The following ATG12 variants were observed in gnomAD, a reference collection of about 807,000 sequenced individuals.
ATG12 encodes ubiquitin-like protein ATG12.
ATG12 carries 19 observed loss-of-function variants against 17.6 expected under a neutral mutation model. The observed-to-expected ratio is 1.08, with a 90% CI of 0.75 to 1.58. The LOEUF is 1.58. ATG12 is among the 40% of genes most tolerant of loss of function. The pLI, the probability that ATG12 is intolerant of heterozygous loss-of-function variation, is 0.00. For missense variants in ATG12, 214 were observed against 162.0 expected, an observed-to-expected ratio of 1.32 and a Z score of -1.74; for synonymous variants, 75 against 62.4, an observed-to-expected ratio of 1.20 and a Z score of -0.95.
intron 1 of ATG12, chr5:115,841,170 G>A (rs1334208530): frequency 1.8e-6 from 1 of 563,160 alleles, no homozygotes; most frequent in Non-Finnish European, 3.0e-6. Flanking sequence ...AAGTGTGGCA[G>A]CCAAGTATCA....
chr5:115,834,682 A>T (rs1761018768), intron 2 of ATG12, among the ~76,000 whole-genome samples: 1 of 152,178 alleles, frequency 6.6e-6, no homozygotes, highest in Admixed American at 6.5e-5. Flanking sequence ...GCCCCGATTA[A>T]GTCAGTTATG....
In ATG12 at chr5:115,831,553, T is replaced by C. The variant is rs1760870176; in HGVS notation, c.*251A>G. On this transcript the variant is annotated 3_prime_UTR_variant, in exon 4 of 4. Transcript: ENST00000509910. ...AACCTTGGAGGCAGATCTGCAGCAA[T>C]AATAGTAACAAGTAGGAGCAATGGG... is the stretch of plus-strand genomic sequence containing the variant. 3.6e-6 allele frequency: 2 copies of C among 548,212 alleles called. No individual in the cohort carries two copies. The highest frequency in any genetic ancestry group is 6.4e-6 in the Non-Finnish European group (2 of 310,612). The allele number at this position is 548,212 out of a possible 1,614,324, so 34.0% of individuals were successfully genotyped here.
At chr5:115,837,482 T>C (rs1445976020) in intron 2 of ATG12, 146 bp downstream of exon 2, 2 of 835,930 alleles carry the variant, frequency 2.4e-6, no homozygotes, top group African/African-American at 3.6e-5. Flanking sequence ...AAAAAAAAAA[T>C]GAATAAATAA....
At chr5:115,834,664 T>C (rs1761017774) in intron 2 of ATG12, among the ~76,000 whole-genome samples, 1 of 152,242 alleles carries the variant, frequency 6.6e-6, no homozygotes, top group African/African-American at 2.4e-5. Flanking sequence ...TTTCTGCTAA[T>C]AGTCTGTGCC....
chr5:115,834,847 G>A lies in ATG12; in HGVS notation c.301-2183C>T, dbSNP rs186304942. 4.9e-3 allele frequency: 750 copies of A among 152,218 alleles called. 6 individuals carry two copies. Among genetic ancestry groups the A allele is most frequent in the African/African-American group, 0.018 (729 of 41,536 alleles). 9.4% of individuals were successfully genotyped at this position (152,218 alleles called of 1,614,324 possible). On this transcript the variant is annotated intron_variant, in intron 2 of 3. Coordinates refer to ENST00000509910, the MANE Select transcript of ATG12 (RefSeq NM_004707.4). ...TAATTTTAACAGAATGCATCCTGAT[G>A]TTCATTATTCTGGGTTGATACTCTC...
chr5:115,835,401 T>G (rs1761052147), intron 2 of ATG12, among the ~76,000 whole-genome samples: 1 of 152,212 alleles, frequency 6.6e-6, no homozygotes, highest in Non-Finnish European at 1.5e-5. Flanking sequence ...TTTTTCTAAC[T>G]TCACAGAGCT....
chr5:115,838,003 C>T, intron 1 of ATG12: 1 of 360,192 alleles, frequency 2.8e-6, no homozygotes, highest in East Asian at 5.1e-5. Context: ...CAGGCAGTTC[C>T]AAAGAGAGGA....
chr5:115,832,567 CTTTCTTTTTTTTTT>C, intron 3 of ATG12, 21 bp downstream of exon 3: 109 of 1,064,582 alleles, frequency 1.0e-4, no homozygotes, highest in East Asian at 7.4e-4. Context: ...GCAGTAATTT[CTTTCTTTTTTTTTT>C]TTTTTTTTTT....
At chr5:115,833,174 T>C (rs1760958484) in intron 2 of ATG12, 1 of 152,246 alleles carries the variant, frequency 6.6e-6, no homozygotes, top group African/African-American at 2.4e-5. Context: ...TAAAACCTTA[T>C]AACCTTGCTC....
In ATG12 at chr5:115,828,628, A is replaced by G. The variant is rs181058146; in HGVS notation, c.*3176T>C. ...TTAAAAACACTGTCATATGTTGCAA[A>G]TATTTTCCATTACCTTCTGCTGTAC... On this transcript the variant is annotated 3_prime_UTR_variant, in exon 4 of 4. Coordinates refer to ENST00000509910, the MANE Select transcript of ATG12 (RefSeq NM_004707.4). The G allele has an allele frequency of 1.3e-5, 2 of 152,308 alleles. No homozygotes were observed. Among genetic ancestry groups the G allele is most frequent in the Admixed American group, 6.5e-5 (1 of 15,304 alleles). 9.4% of individuals were successfully genotyped at this position (152,308 alleles called of 1,614,324 possible).
chr5:115,840,529 C>G (rs755267725), intron 1 of ATG12: 1 of 1,006,504 alleles, frequency 9.9e-7, no homozygotes, highest in Non-Finnish European at 1.3e-6. Flanking sequence ...AACTCTTGAC[C>G]TCAGGTGATC....
rs1760849087 is a variant in ATG12 at position 115,831,020 on chromosome 5, T to C, written c.*784A>G. On this transcript the variant is annotated 3_prime_UTR_variant, in exon 4 of 4. Coordinates refer to ENST00000509910, the MANE Select transcript of ATG12 (RefSeq NM_004707.4). ...TATGAAACACTCAAAAAGATGCTAC[T>C]GGGTTTACTCATCAAGTGCTTTTGA... is the stretch of plus-strand genomic sequence containing the variant. The C allele has an allele frequency of 6.6e-6, 1 of 152,234 alleles. No homozygotes were observed. The highest frequency in any genetic ancestry group is 2.4e-5 in the African/African-American group (1 of 41,462). 9.4% of individuals were successfully genotyped at this position (152,234 alleles called of 1,614,324 possible). A position where few individuals can be genotyped will look rare whatever the true frequency, so the allele number is the denominator to read the frequency against.
At position 115,832,571 on chromosome 5, in the gene ATG12, C is replaced by CTTTTT. The variant is rs35310189; in HGVS notation, c.363+26_363+30dup. 3.8e-4 allele frequency: 308 copies of CTTTTT among 802,384 alleles called. 4 individuals carry two copies. The highest frequency in any genetic ancestry group is 3.6e-3 in the African/African-American group (112 of 30,814). The allele number at this position is 802,384 out of a possible 1,614,324, so 49.7% of individuals were successfully genotyped here. On this transcript the variant is annotated intron_variant, in intron 3 of 3. Transcript: ENST00000509910. ...AAGAAAAAAAAGCAGTAATTTCTTT[C>CTTTTT]TTTTTTTTTTTTTTTTTTTTTTTTT... is the stretch of plus-strand genomic sequence containing the variant.
At chr5:115,837,192 A>C (rs1761139303) in intron 2 of ATG12, among the ~76,000 whole-genome samples, 1 of 152,218 alleles carries the variant, frequency 6.6e-6, no homozygotes. Flanking sequence ...AATCTAAAAC[A>C]TTTCATTTCA....
chr5:115,831,811 C>T lies in ATG12; in HGVS notation c.416G>A (p.Trp139Ter). The T allele has an allele frequency of 6.2e-7, 1 of 1,612,338 alleles. No homozygotes were observed. The change falls in exon 4 of 4, where the codon TGG becomes TAG. Residue 139 changes from tryptophan (W) to a stop codon, truncating the protein, a stop_gained. Transcript: ENST00000509910. LOFTEE classifies it high-confidence loss of function. ...LVLHYCKSQA[W>*]G ...GTTGATTTTCTTTGTGGTTCATCCCCACGCCTGAGACTTGCAGTAATGTAA... is the reference window on the plus strand; with the variant it reads ...GTTGATTTTCTTTGTGGTTCATCCCTACGCCTGAGACTTGCAGTAATGTAA...
At chr5:115,841,039 A>G (rs529451775) in intron 1 of ATG12, 1 of 489,260 alleles carries the variant, frequency 2.0e-6, no homozygotes, top group Admixed American at 3.1e-5. Flanking sequence ...TACTCAAATA[A>G]TTAGCTCCTG....
intron 2 of ATG12, among the ~76,000 whole-genome samples, chr5:115,836,944 G>C (rs903040044): frequency 6.6e-6 from 1 of 152,138 alleles, no homozygotes; most frequent in African/African-American, 2.4e-5. Flanking sequence ...GTATTTCCTA[G>C]TTCTTTCACA....
intron 1 of ATG12, chr5:115,838,022 T>C (rs1305351727): frequency 3.1e-6 from 1 of 325,510 alleles, no homozygotes. Context: ...GAAATACAAA[T>C]GATCAATACA....
Position 115,831,535 on chromosome 5 carries a change from G to T in ATG12, c.*269C>A, listed in dbSNP as rs978415960. The T allele has an allele frequency of 6.9e-5, 36 of 521,798 alleles. No individual in the cohort carries two copies. The highest frequency in any genetic ancestry group is 6.8e-4 in the African/African-American group (35 of 51,300). 32.3% of individuals were successfully genotyped at this position (521,798 alleles called of 1,614,324 possible). A position where few individuals can be genotyped will look rare whatever the true frequency, so the allele number is the denominator to read the frequency against. Reference sequence around the variant, plus strand: ...AGTCTTAGTCTCCTTTTCAACCTTGGAGGCAGATCTGCAGCAATAATAGTA... The same window carrying T: ...AGTCTTAGTCTCCTTTTCAACCTTGTAGGCAGATCTGCAGCAATAATAGTA... On this transcript the variant is annotated 3_prime_UTR_variant, in exon 4 of 4. Coordinates refer to ENST00000509910, the MANE Select transcript of ATG12 (RefSeq NM_004707.4).
Sources: gnomAD v4.1 joint callset for allele counts (sites outside exome capture counted in the v4.1 genomes callset) on GRCh38, gnomAD v4.1.1 for gene constraint, MANE v1.5 for transcripts, NCBI Gene and HGNC (gene_info 2026-07-23, HGNC 2026-07-21) for gene names.